The following GTSE1 variants were observed in gnomAD, a reference collection of about 807,000 sequenced individuals.
GTSE1 encodes the protein G2 and S phase-expressed protein 1.
A neutral mutation model predicts 60.5 loss-of-function variants in GTSE1; 52 were observed. The observed-to-expected ratio is 0.86, with a 90% CI of 0.69 to 1.08. The LOEUF (loss-of-function observed/expected upper bound fraction) is 1.08. Among genes scored for constraint, GTSE1 ranks in the 50% least tolerant of loss-of-function variants. The pLI, the probability that GTSE1 is intolerant of heterozygous loss-of-function variation, is 0.00. For synonymous variants in GTSE1, 368 were observed against 386.5 expected (o/e 0.95, Z 0.56); for missense variants, 937 against 961.8 (o/e 0.97, Z 0.34).
rs2077664651 is a variant in GTSE1, at chr22:46,297,584, T to C, written c.79+105T>C. The C allele has an allele frequency of 1.3e-6, 1 of 785,128 alleles. No homozygotes were observed. The highest frequency in any genetic ancestry group is 1.7e-5 in the African/African-American group (1 of 57,794). The allele number at this position is 785,128 out of a possible 1,614,324, so 48.6% of individuals were successfully genotyped here. On this transcript the variant is annotated intron_variant, in intron 2 of 11. Coordinates refer to ENST00000454366, the MANE Select transcript of GTSE1 (RefSeq NM_016426.7). The surrounding 1 kb of genome is among the most constrained non-coding windows in gnomAD (Gnocchi z 4.9). Reference sequence around the variant, plus strand: ...AATTCTTTCTCAAGTGCTCGACTTGTACTCTGCACCTGTGAAACACATGAC... The same window carrying C: ...AATTCTTTCTCAAGTGCTCGACTTGCACTCTGCACCTGTGAAACACATGAC...
At chr22:46,322,204 G>A (rs117430954) in intron 7 of GTSE1, among the ~76,000 whole-genome samples, 285 of 152,230 alleles carry the variant, frequency 1.9e-3, no homozygotes, top group Non-Finnish European at 2.8e-3. Context: ...GCAGGAGGGC[G>A]GGCATAGGCT....
Position 46,328,809 on chromosome 22 carries a change from G to A in GTSE1, c.1846G>A (p.Asp616Asn), listed in dbSNP as rs1346132937. Residue 616 changes from aspartate (D) to asparagine (N), a missense_variant, in exon 10 of 12, where the codon GAT becomes AAT. Transcript: ENST00000454366. The stretch of plus-strand genomic sequence containing the variant: ...ACTTAACTTTTCTCCAGAGGAAAGC[G>A]ATTCTACTTTCTCCAAAAGTACTGC... Reference protein sequence around the residue: ...QALNFSPEESDSTFSKSTATE... With the variant: ...QALNFSPEESNSTFSKSTATE... The A allele has an allele frequency of 1.9e-5, 30 of 1,613,900 alleles. No individual in the cohort carries two copies. Among genetic ancestry groups the A allele is most frequent in the Non-Finnish European group, 2.2e-5 (26 of 1,179,936 alleles).
intron 2 of GTSE1, among the ~76,000 whole-genome samples, chr22:46,303,255 A>G (rs1026207423): frequency 9.9e-5 from 15 of 152,024 alleles, no homozygotes; most frequent in African/African-American, 3.1e-4. Flanking sequence ...TCTTCTTTAT[A>G]TCCATTTTGC....
chr22:46,313,919 ACC>A lies in GTSE1; in HGVS notation c.959_960del (p.Pro320ArgfsTer32). On this transcript the variant is annotated frameshift_variant, in exon 6 of 12. Transcript: ENST00000454366. LOFTEE classifies it high-confidence loss of function. The surrounding 1 kb of genome is among the most constrained non-coding windows in gnomAD (Gnocchi z 4.4). Reference protein sequence around the residue: ...LGLKKTLLKAPGSTSNLARKS... With the variant: ...LGLKKTLLKAXGSTSNLARKS... ...GGCTGAAGAAGACCCTGTTAAAAGC[ACC>A]CGGCTCTACCAGCAATCTCGCAAGG... 6.2e-7 allele frequency: 1 copy of A among 1,614,118 alleles called. No individual in the cohort carries two copies. Among genetic ancestry groups the A allele is most frequent in the East Asian group, 2.2e-5 (1 of 44,884 alleles).
Position 46,316,229 on chromosome 22 carries a change from T to A in GTSE1, c.1249T>A (p.Ser417Thr), listed in dbSNP as rs2077779397. 1 of 1,613,440 alleles carries A rather than the reference T, an allele frequency of 6.2e-7. No individual in the cohort carries two copies. The change falls in exon 7 of 12, where the codon TCC (serine) becomes ACC (threonine). Residue 417 changes from serine (S) to threonine (T), a missense_variant. Transcript: ENST00000454366. This position sits in a 1 kb window ranked among gnomAD's most constrained non-coding sequence, Gnocchi z 5.0. The stretch of plus-strand genomic sequence containing the variant: ...GCAGCTCACGGCACCCCCCTCAGCA[T>A]CCCCCACCCAACCCCAGACTCCGGA... ...AEQLTAPPSA[S>T]PTQPQTPEGG...
At chr22:46,305,713 C>T (rs2077711807) in intron 2 of GTSE1, among the ~76,000 whole-genome samples, 1 of 151,754 alleles carries the variant, frequency 6.6e-6, no homozygotes, top group Admixed American at 6.6e-5. Context: ...TTGAGACCAG[C>T]CTGGCCAACA....
intron 9 of GTSE1, 127 bp downstream of exon 9, chr22:46,326,781 GTT>G: frequency 1.9e-6 from 1 of 539,914 alleles, no homozygotes; most frequent in Non-Finnish European, 3.1e-6. Flanking sequence ...AAGTTTGTTT[GTT>G]TTTTTTTTCA....
intron 2 of GTSE1, among the ~76,000 whole-genome samples, chr22:46,307,059 T>C (rs1601902741): frequency 6.6e-6 from 1 of 152,090 alleles, no homozygotes; most frequent in Non-Finnish European, 1.5e-5. Flanking sequence ...TGCGGGGAGC[T>C]GGAGGAGGGA....
At chr22:46,315,357 C>T (rs2077772863) in intron 6 of GTSE1, among the ~76,000 whole-genome samples, 1 of 152,040 alleles carries the variant, frequency 6.6e-6, no homozygotes, top group South Asian at 2.1e-4. Context: ...GCGCCTGGCC[C>T]ACATTTTTGT....
At chr22:46,298,854 G>C (rs534760996) in intron 2 of GTSE1, among the ~76,000 whole-genome samples, 2 of 152,178 alleles carry the variant, frequency 1.3e-5, no homozygotes, top group African/African-American at 4.8e-5. Context: ...TGGATCATGC[G>C]CATCCACATA....
rs2077660738 is a variant in GTSE1 at position 46,297,078 on chromosome 22, T to C, written c.-22+147T>C. ...GGGGTCACTGAGGCCCCTCGCGCCG[T>C]GGTCGGGGATGCCGGGAGGTCTAGG... On this transcript the variant is annotated intron_variant, in intron 1 of 11. Transcript: ENST00000454366. The surrounding 1 kb of genome is among the most constrained non-coding windows in gnomAD (Gnocchi z 4.9). 1 of 292,242 alleles carries C rather than the reference T, an allele frequency of 3.4e-6. No individual in the cohort carries two copies. Among genetic ancestry groups the C allele is most frequent in the Non-Finnish European group, 6.5e-6 (1 of 152,826 alleles). The allele number at this position is 292,242 out of a possible 1,614,324, so 18.1% of individuals were successfully genotyped here.
chr22:46,301,321 C>T (rs560642124), intron 2 of GTSE1, among the ~76,000 whole-genome samples: 3 of 152,208 alleles, frequency 2.0e-5, no homozygotes, highest in Admixed American at 6.5e-5. Flanking sequence ...TTTCTTACTT[C>T]GATAGGTACT....
Position 46,314,846 on chromosome 22 carries a change from G to T in GTSE1, c.1051+833G>T, listed in dbSNP as rs1164845089. On this transcript the variant is annotated intron_variant, in intron 6 of 11. Coordinates refer to ENST00000454366, the MANE Select transcript of GTSE1 (RefSeq NM_016426.7). The surrounding 1 kb of genome is among the most constrained non-coding windows in gnomAD (Gnocchi z 7.1). ...AGCCGAGATTGCATCACTGCACTCC[G>T]TCTCAAAAAAAAAAAAAAAAATGAT... is the stretch of plus-strand genomic sequence containing the variant. 4.4e-5 allele frequency among the ~76,000 whole-genome samples: 6 copies of T among 135,710 alleles called. No homozygotes were observed. Among genetic ancestry groups the T allele is most frequent in the African/African-American group, 1.8e-4 (6 of 32,846 alleles). 89.0% of individuals were successfully genotyped at this position (135,710 alleles called of 152,430 possible).
chr22:46,326,390 T>TAA lies in GTSE1; in HGVS notation c.1506-46_1506-45insAA, dbSNP rs2077843879. 5 of 1,480,640 alleles carry TAA rather than the reference T, an allele frequency of 3.4e-6. No homozygotes were observed. In the South Asian group the frequency reaches 6.1e-5, roughly 18 times the overall value. The allele number at this position is 1,480,640 out of a possible 1,614,324, so 91.7% of individuals were successfully genotyped here. On this transcript the variant is annotated intron_variant, in intron 8 of 11. Coordinates refer to ENST00000454366, the MANE Select transcript of GTSE1 (RefSeq NM_016426.7). Reference sequence around the variant, plus strand: ...ACAGGCTGAATGATGAGATCTTACTTTTTCTATGTCATCTCAGCTCACGAC... The same window carrying TAA: ...ACAGGCTGAATGATGAGATCTTACTTAATTTCTATGTCATCTCAGCTCACGAC...
chr22:46,300,594 T>C (rs528134261), intron 2 of GTSE1, among the ~76,000 whole-genome samples: 1 of 152,178 alleles, frequency 6.6e-6, no homozygotes, highest in South Asian at 2.1e-4. Context: ...TCTACATGTC[T>C]CTCACCGCAC....
In GTSE1 at chr22:46,324,380, T is replaced by C. The variant is rs1367302486; in HGVS notation, c.1505+1118T>C. ...TTGGAATTTTTCTTTTCTTTTCTTT[T>C]TTTTTGAGACAGAGTCTCACTCTGT... On this transcript the variant is annotated intron_variant, in intron 8 of 11. Coordinates refer to ENST00000454366, the MANE Select transcript of GTSE1 (RefSeq NM_016426.7). The surrounding 1 kb of genome is among the most constrained non-coding windows in gnomAD (Gnocchi z 5.2). 6.6e-6 allele frequency among the ~76,000 whole-genome samples: 1 copy of C among 152,010 alleles called. No homozygotes were observed. The highest frequency in any genetic ancestry group is 2.4e-5 in the African/African-American group (1 of 41,390).
chr22:46,299,389 C>T (rs1215070536), intron 2 of GTSE1, among the ~76,000 whole-genome samples: 1 of 152,264 alleles, frequency 6.6e-6, no homozygotes, highest in Non-Finnish European at 1.5e-5. Flanking sequence ...GTATATTCAC[C>T]TGCCTATTTG....
chr22:46,328,192 A>G (rs992590025), intron 9 of GTSE1, among the ~76,000 whole-genome samples: 1 of 152,146 alleles, frequency 6.6e-6, no homozygotes, highest in Non-Finnish European at 1.5e-5. Context: ...CCTGTGGGAG[A>G]CGCCATTGGA....
intron 2 of GTSE1, among the ~76,000 whole-genome samples, chr22:46,301,974 C>CG (rs2077692081): frequency 6.6e-6 from 1 of 152,014 alleles, no homozygotes. Flanking sequence ...ACTAAAAATA[C>CG]AAAATTAGCC....
Sources: gnomAD v4.1 joint callset for allele counts (sites outside exome capture counted in the v4.1 genomes callset) on GRCh38, gnomAD v4.1.1 for gene constraint, Gnocchi (gnomAD v3.1) non-coding constraint, MANE v1.5 for transcripts, NCBI Gene and HGNC (gene_info 2026-07-23, HGNC 2026-07-21) for gene names.